Variants in TENM2 observed in about 807,000 individuals in gnomAD.
TENM2 encodes the protein teneurin transmembrane protein 2.
In TENM2, 52 loss-of-function variants were observed where a neutral mutation model predicts 245.2. That is an observed-to-expected ratio of 0.21 (90% CI 0.17 to 0.27). The LOEUF is 0.27. Among genes scored for constraint, TENM2 ranks in the 10% least tolerant of loss-of-function variants. The probability of loss-of-function intolerance (pLI) is 1.00; values close to 1 mark genes in which losing one functional copy is unlikely to be tolerated. For missense variants in TENM2, 3,046 were observed against 3,666.8 expected (o/e 0.83, Z 4.37); for synonymous variants, 1,363 against 1,438.9 (o/e 0.95, Z 1.19).
rs1561769493 is a variant in TENM2 at position 167,776,624 on chromosome 5, A to AAAAC, written c.503-99360_503-99359insACAA. Reference sequence around the variant, plus strand: ...AAAAAAAAAAAAAAAAAAAAAAAAAAAACCATATATATGTATCTATATATA... The same window carrying AAAAC: ...AAAAAAAAAAAAAAAAAAAAAAAAAAAAACAACCATATATATGTATCTATATATA... On this transcript the variant is annotated intron_variant, in intron 2 of 28. Coordinates refer to ENST00000518659, the Ensembl canonical transcript of TENM2. Among the ~76,000 whole-genome samples the AAAAC allele has an allele frequency of 1.1e-4, 7 of 61,258 alleles. 1 individual carries two copies. Among genetic ancestry groups the AAAAC allele is most frequent in the African/African-American group, 2.9e-4 (4 of 13,636 alleles). 40.2% of individuals were successfully genotyped at this position (61,258 alleles called of 152,430 possible).
At chr5:168,245,938 A>C (rs183891488) in intron 26 of TENM2, among the ~76,000 whole-genome samples, 1 of 152,232 alleles carries the variant, frequency 6.6e-6, no homozygotes, top group Admixed American at 6.5e-5. Context: ...AGTAGCTTCA[A>C]AATGCAGGAT....
At chr5:167,571,625 C>G (rs1359473509) in intron 2 of TENM2, among the ~76,000 whole-genome samples, 1 of 152,112 alleles carries the variant, frequency 6.6e-6, no homozygotes, top group Non-Finnish European at 1.5e-5. Flanking sequence ...GCACTGATAG[C>G]CATTTGTAGC....
At chr5:167,312,664 T>A (rs72645742) in intron 1 of TENM2, among the ~76,000 whole-genome samples, 1 of 152,006 alleles carries the variant, frequency 6.6e-6, no homozygotes, top group African/African-American at 2.4e-5. Context: ...TTAAACTCAG[T>A]GTGTTATAAC....
intron 2 of TENM2, among the ~76,000 whole-genome samples, chr5:167,426,090 C>A (rs189819512): frequency 6.6e-6 from 1 of 152,052 alleles, no homozygotes; most frequent in Non-Finnish European, 1.5e-5. Flanking sequence ...CCTAAGAACC[C>A]GGACTCCCTT....
the TENM2 span, among the ~76,000 whole-genome samples, chr5:167,172,748 C>T: frequency 6.6e-6 from 1 of 151,524 alleles, no homozygotes; most frequent in Non-Finnish European, 1.5e-5. Context: ...GTAGCCAGCA[C>T]GATAGGCACA....
Position 168,072,144 on chromosome 5 carries a change from G to A in TENM2, c.1515+9879G>A, listed in dbSNP as rs1444053816. 2.6e-5 allele frequency among the ~76,000 whole-genome samples: 4 copies of A among 152,214 alleles called. No homozygotes were observed. In the South Asian group the frequency reaches 8.3e-4, roughly 32 times the overall value. On this transcript the variant is annotated intron_variant, in intron 7 of 28. Transcript: ENST00000518659. ...ATCTTGGGAGGACAAGGAGCCAAAT[G>A]TGACATTTGATAAACCATTGCTAAA...
At chr5:167,218,504 G>C in the TENM2 span, among the ~76,000 whole-genome samples, 3 of 151,956 alleles carry the variant, frequency 2.0e-5, no homozygotes, top group Non-Finnish European at 4.4e-5. Flanking sequence ...GGGAGCTGCC[G>C]TCTTCTGGGT....
At chr5:167,250,166 A>G in the TENM2 span, among the ~76,000 whole-genome samples, 2 of 152,066 alleles carry the variant, frequency 1.3e-5, no homozygotes, top group African/African-American at 2.4e-5. Context: ...TGGTAGGAAT[A>G]AAAGATTAGC....
At chr5:168,006,210 A>G (rs1784806041) in intron 5 of TENM2, among the ~76,000 whole-genome samples, 1 of 152,160 alleles carries the variant, frequency 6.6e-6, no homozygotes, top group South Asian at 2.1e-4. Context: ...TTTATCTTTA[A>G]AAGCCAAAGA....
At chr5:167,028,215 G>A in the TENM2 span, among the ~76,000 whole-genome samples, 15 of 151,842 alleles carry the variant, frequency 9.9e-5, no homozygotes, top group East Asian at 3.9e-4. Flanking sequence ...GCCCAAGAAC[G>A]TCATTGAATA....
chr5:167,915,587 C>T (rs1281498460), intron 3 of TENM2, among the ~76,000 whole-genome samples: 1 of 152,112 alleles, frequency 6.6e-6, no homozygotes, highest in African/African-American at 2.4e-5. Flanking sequence ...TCTTTTGTTC[C>T]CCTGTATCGA....
chr5:167,568,863 T>C (rs1477389960), intron 2 of TENM2, among the ~76,000 whole-genome samples: 3 of 152,062 alleles, frequency 2.0e-5, no homozygotes, highest in Non-Finnish European at 4.4e-5. Context: ...ACATAATTAA[T>C]GCATTTACTT....
the TENM2 span, among the ~76,000 whole-genome samples, chr5:167,259,197 G>A: frequency 6.6e-6 from 1 of 152,122 alleles, no homozygotes; most frequent in Non-Finnish European, 1.5e-5. Context: ...GTGTCAACAG[G>A]AGTCAAGCAG....
In TENM2 at chr5:167,733,527, A is replaced by G. The variant is rs76475663; in HGVS notation, c.503-142459A>G. Among the ~76,000 whole-genome samples the G allele has an allele frequency of 8.0e-3, 1,213 of 152,286 alleles. 13 individuals carry two copies. Among genetic ancestry groups the G allele is most frequent in the Middle Eastern group, 0.027 (8 of 294 alleles). ...CCAAAGCTGCTGTTTTACATACAAG[A>G]AAACTGTGATCTAAAGGAGTGAAGA... is the stretch of plus-strand genomic sequence containing the variant. On this transcript the variant is annotated intron_variant, in intron 2 of 28. Transcript: ENST00000518659.
intron 3 of TENM2, among the ~76,000 whole-genome samples, chr5:167,881,276 A>G (rs1436384663): frequency 2.0e-5 from 3 of 152,168 alleles, no homozygotes; most frequent in African/African-American, 7.2e-5. Context: ...CAGTGCTGAT[A>G]ATACTATCTT....
chr5:167,410,277 C>G (rs1248794719), intron 2 of TENM2, among the ~76,000 whole-genome samples: 1 of 151,990 alleles, frequency 6.6e-6, no homozygotes, highest in African/African-American at 2.4e-5. Flanking sequence ...GACAGATGGC[C>G]TATCTTTATG....
intron 3 of TENM2, among the ~76,000 whole-genome samples, chr5:167,913,203 T>G (rs1648182253): frequency 6.6e-6 from 1 of 152,196 alleles, no homozygotes; most frequent in Admixed American, 6.5e-5. Context: ...CCTCTTCTCC[T>G]AGTACAACCT....
At chr5:167,920,331 AAAAAAAAAAG>A (rs766746876) in intron 3 of TENM2, among the ~76,000 whole-genome samples, 32 of 120,892 alleles carry the variant, frequency 2.6e-4, no homozygotes, top group East Asian at 7.6e-4. Context: ...GTCTCTACTT[AAAAAAAAAAG>A]AAAAAAAAAG....
At chr5:167,044,036 AGAAGGAAGGAAG>A in the TENM2 span, among the ~76,000 whole-genome samples, 14 of 128,592 alleles carry the variant, frequency 1.1e-4, no homozygotes, top group South Asian at 2.5e-4. Flanking sequence ...TAGTAAGGAC[AGAAGGAAGGAAG>A]GAAGGAAGGA....
Sources: gnomAD v4.1 joint callset for allele counts (sites outside exome capture counted in the v4.1 genomes callset) on GRCh38, gnomAD v4.1.1 for gene constraint, MANE v1.5 for transcripts, NCBI Gene and HGNC (gene_info 2026-07-23, HGNC 2026-07-21) for gene names.